HOOK3: variants seen among roughly 807,000 people sequenced by gnomAD.
HOOK3 encodes the protein hook microtubule tethering protein 3.
A neutral mutation model predicts 116.3 loss-of-function variants in HOOK3; 24 were observed. That is an observed-to-expected ratio of 0.21 (90% confidence interval 0.15 to 0.29). The LOEUF (loss-of-function observed/expected upper bound fraction) is 0.29, where lower values mean the gene tolerates loss of function less well. Ranked by LOEUF, HOOK3 falls within the 10% of genes least tolerant of loss-of-function variation. HOOK3 has a pLI of 1.00. For missense variants in HOOK3, 632 were observed against 830.2 expected, an observed-to-expected ratio of 0.76 and a Z score of 2.93; for synonymous variants, 275 against 283.0, an observed-to-expected ratio of 0.97 and a Z score of 0.28.
At position 43,022,365 on chromosome 8, in the gene HOOK3, G is replaced by A. The variant is rs1302382674; in HGVS notation, c.*3867G>A. 3.4e-5 allele frequency: 7 copies of A among 205,046 alleles called. No individual in the cohort carries two copies. Among genetic ancestry groups the A allele is most frequent in the African/African-American group, 1.1e-4 (5 of 43,694 alleles). 12.7% of individuals were successfully genotyped at this position (205,046 alleles called of 1,614,324 possible). A position where few individuals can be genotyped will look rare whatever the true frequency, so the allele number is the denominator to read the frequency against. On this transcript the variant is annotated 3_prime_UTR_variant, in exon 22 of 22. Coordinates refer to ENST00000307602, the MANE Select transcript of HOOK3 (RefSeq NM_032410.4). ...GCATACAGCACCTTCCTGGGGCCACGTTGGCTTGTGCAGTGGAGCTTGTCC... is the reference window on the plus strand; with the variant it reads ...GCATACAGCACCTTCCTGGGGCCACATTGGCTTGTGCAGTGGAGCTTGTCC...
intron 13 of HOOK3, among the ~76,000 whole-genome samples, chr8:42,975,128 G>C (rs1272446505): frequency 6.6e-6 from 1 of 152,186 alleles, no homozygotes; most frequent in Non-Finnish European, 1.5e-5. Flanking sequence ...TGGGAGGCCA[G>C]GCTCTTGAGG....
chr8:42,925,721 T>C (rs898153229), intron 3 of HOOK3, 92 bp downstream of exon 3: 2 of 778,228 alleles, frequency 2.6e-6, no homozygotes, highest in Middle Eastern at 3.3e-4. Context: ...CAGTGAGCTT[T>C]AGAAGCTTAG....
At position 43,023,387 on chromosome 8, in the gene HOOK3, CTCCTTCCTTCCTTCCTTCCTTCCTTCCT is replaced by C; in HGVS notation, c.*4897_*4924del. On this transcript the variant is annotated 3_prime_UTR_variant, in exon 22 of 22. Transcript: ENST00000307602. ...CCACTTTGCTATCTCTCCTTCCTTCCTCCTTCCTTCCTTCCTTCCTTCCTTCCTTCCTTCCCTTCTTTTCTTTTTTCTT... is the reference window on the plus strand; with the variant it reads ...CCACTTTGCTATCTCTCCTTCCTTCCTCCTTCCCTTCTTTTCTTTTTTCTT... 6.8e-6 allele frequency: 1 copy of C among 146,126 alleles called. No individual in the cohort carries two copies. The highest frequency in any genetic ancestry group is 1.5e-5 in the Non-Finnish European group (1 of 67,950). The allele number at this position is 146,126 out of a possible 1,614,324, so 9.1% of individuals were successfully genotyped here.
At chr8:43,015,893 T>G (rs1163070528) in intron 21 of HOOK3, among the ~76,000 whole-genome samples, 1 of 148,856 alleles carries the variant, frequency 6.7e-6, no homozygotes, top group Non-Finnish European at 1.5e-5. Flanking sequence ...AATTTTTGTA[T>G]TTTTAGTAGA....
chr8:42,921,512 T>C (rs1431797321), intron 2 of HOOK3, among the ~76,000 whole-genome samples: 1 of 152,234 alleles, frequency 6.6e-6, no homozygotes, highest in East Asian at 1.9e-4. Flanking sequence ...TTCTAAGTTT[T>C]AAGCAAAGAG....
At position 43,024,566 on chromosome 8, in the gene HOOK3, C is replaced by G; in HGVS notation, c.*6068C>G. Reference sequence around the variant, plus strand: ...AGGTTTCAGAGCTTATTCTTGATAACTATAATAATGATTTGAATGTTTTAT... The same window carrying G: ...AGGTTTCAGAGCTTATTCTTGATAAGTATAATAATGATTTGAATGTTTTAT... On this transcript the variant is annotated 3_prime_UTR_variant, in exon 22 of 22. Coordinates refer to ENST00000307602, the MANE Select transcript of HOOK3 (RefSeq NM_032410.4). The G allele has an allele frequency of 5.4e-6, 1 of 186,552 alleles. No individual in the cohort carries two copies. Among genetic ancestry groups the G allele is most frequent in the Non-Finnish European group, 1.1e-5 (1 of 88,284 alleles). 11.6% of individuals were successfully genotyped at this position (186,552 alleles called of 1,614,324 possible).
chr8:42,914,846 G>A (rs1157935725), intron 2 of HOOK3, among the ~76,000 whole-genome samples: 2 of 152,154 alleles, frequency 1.3e-5, no homozygotes, highest in Non-Finnish European at 2.9e-5. Context: ...ACCGGGCGCC[G>A]TGGCTCATGC....
intron 4 of HOOK3, among the ~76,000 whole-genome samples, chr8:42,941,840 C>T (rs371708842): frequency 7.2e-5 from 11 of 152,118 alleles, no homozygotes; most frequent in African/African-American, 2.4e-4. Flanking sequence ...TCCTACCTGA[C>T]GACTTTGCCC....
At chr8:42,932,315 T>C (rs1807889460) in intron 4 of HOOK3, among the ~76,000 whole-genome samples, 1 of 152,130 alleles carries the variant, frequency 6.6e-6, no homozygotes, top group South Asian at 2.1e-4. Context: ...AAGAGGTGAT[T>C]GGTTTTGTTC....
rs145289426 is a variant in HOOK3, at chr8:43,011,699, C to G, written c.1839+1294C>G. ...GGTCAGTCTGGGCAACATATCCAGACTCCGTCTCTACAAAAAAAAGTTTTA... is the reference window on the plus strand; with the variant it reads ...GGTCAGTCTGGGCAACATATCCAGAGTCCGTCTCTACAAAAAAAAGTTTTA... On this transcript the variant is annotated intron_variant, in intron 19 of 21. Coordinates refer to ENST00000307602, the MANE Select transcript of HOOK3 (RefSeq NM_032410.4). Among the ~76,000 whole-genome samples, 1,509 of 152,082 alleles carry G rather than the reference C, an allele frequency of 9.9e-3. 9 individuals are homozygous for G. The highest frequency in any genetic ancestry group is 0.015 in the Non-Finnish European group (1,041 of 67,980).
chr8:42,974,943 C>T (rs1228129378), intron 13 of HOOK3, among the ~76,000 whole-genome samples: 1 of 152,168 alleles, frequency 6.6e-6, no homozygotes, highest in East Asian at 1.9e-4. Flanking sequence ...ATGCCGAGTC[C>T]CTCCTGAATT....
At chr8:43,005,199 C>CTCTCTATA (rs151178560) in intron 17 of HOOK3, among the ~76,000 whole-genome samples, 126 of 95,278 alleles carry the variant, frequency 1.3e-3, no homozygotes, top group African/African-American at 4.4e-3. Context: ...CTCTCTCTCT[C>CTCTCTATA]TATATATATA....
intron 5 of HOOK3, among the ~76,000 whole-genome samples, chr8:42,946,113 A>T (rs901960154): frequency 3.9e-5 from 6 of 152,200 alleles, no homozygotes. Flanking sequence ...TATTTCATAA[A>T]TATTGAACTT....
At chr8:42,975,895 C>T (rs758751313) in intron 13 of HOOK3, among the ~76,000 whole-genome samples, 13 of 152,126 alleles carry the variant, frequency 8.5e-5, no homozygotes, top group Admixed American at 3.9e-4. Flanking sequence ...TTAGTAGAGA[C>T]AGGGTTTCAC....
intron 2 of HOOK3, among the ~76,000 whole-genome samples, chr8:42,915,655 C>T (rs1807520077): frequency 6.6e-6 from 1 of 152,124 alleles, no homozygotes. Context: ...TGCTCTCGAA[C>T]TGCTGACCTC....
intron 13 of HOOK3, among the ~76,000 whole-genome samples, chr8:42,978,464 G>T (rs183043325): frequency 2.7e-5 from 4 of 150,162 alleles, no homozygotes; most frequent in Non-Finnish European, 5.9e-5. Flanking sequence ...AGGCTGGAGT[G>T]CAATGGCGCT....
chr8:42,988,615 GC>G (rs1274516173), intron 15 of HOOK3, among the ~76,000 whole-genome samples: 2 of 151,786 alleles, frequency 1.3e-5, no homozygotes, highest in Admixed American at 1.3e-4. Context: ...GATTATGGCT[GC>G]CTATGATCTA....
chr8:42,972,789 G>T (rs1380574849), intron 11 of HOOK3, among the ~76,000 whole-genome samples: 2 of 151,870 alleles, frequency 1.3e-5, no homozygotes, highest in Non-Finnish European at 2.9e-5. Flanking sequence ...TTGCTGATTT[G>T]CTACCTTTTA....
At chr8:43,011,019 G>C (rs539307453) in intron 19 of HOOK3, among the ~76,000 whole-genome samples, 1 of 151,536 alleles carries the variant, frequency 6.6e-6, no homozygotes, top group Non-Finnish European at 1.5e-5. Context: ...TTGAGATGGA[G>C]TCTCGCTCTG....
Sources: allele counts gnomAD v4.1 joint callset (sites outside exome capture counted in the v4.1 genomes callset), GRCh38; gene constraint gnomAD v4.1.1; transcripts MANE v1.5; gene names NCBI Gene and HGNC (gene_info 2026-07-23, HGNC 2026-07-21).